Variants in HPD observed in about 807,000 individuals in gnomAD.
HPD encodes 4-hydroxyphenylpyruvic acid oxidase.
HPD carries 35 observed loss-of-function variants against 56.9 expected under a neutral mutation model. The observed-to-expected ratio is 0.62, with a 90% confidence interval of 0.47 to 0.82. HPD has a LOEUF of 0.82. Among genes scored for constraint, HPD ranks in the 40% least tolerant of loss-of-function variants. The probability of loss-of-function intolerance (pLI) is 0.00; values close to 1 mark genes in which losing one functional copy is unlikely to be tolerated. For synonymous variants in HPD, 186 were observed against 200.2 expected (o/e 0.93, Z 0.60); for missense variants, 442 against 506.8 (o/e 0.87, Z 1.23).
At chr12:121,858,625 C>T in intron 2 of HPD, 62 bp downstream of exon 2, 2 of 1,499,974 alleles carry the variant, frequency 1.3e-6, no homozygotes, top group East Asian at 4.5e-5. Flanking sequence ...ACCCCAGTCT[C>T]CCTGCACTCC....
At chr12:121,868,317 A>G (rs569602791), upstream of HPD, among the ~76,000 whole-genome samples, 6 of 152,276 alleles carry the variant, frequency 3.9e-5, no homozygotes, top group East Asian at 1.2e-3. Flanking sequence ...GAAGCTGGGC[A>G]ATACACTTCC....
chr12:121,887,352 TTCTC>T, the HPD span, among the ~76,000 whole-genome samples: 108 of 149,890 alleles, frequency 7.2e-4, no homozygotes, highest in African/African-American at 2.5e-3. Context: ...GCACCTGTAT[TTCTC>T]TCTCTCTCTC....
upstream of HPD, among the ~76,000 whole-genome samples, chr12:121,866,507 G>T (rs867378426): frequency 4.6e-5 from 7 of 151,700 alleles, no homozygotes; most frequent in African/African-American, 1.7e-4. Flanking sequence ...TACAAAACAT[G>T]CCAACGGTTC....
At chr12:121,845,094 G>C (rs1446204264) in intron 11 of HPD, among the ~76,000 whole-genome samples, 1 of 145,336 alleles carries the variant, frequency 6.9e-6, no homozygotes, top group African/African-American at 2.7e-5. Context: ...AAAAAAGAAG[G>C]ATATATATAT....
rs1878095577 is a variant in HPD at position 121,858,722 on chromosome 12, A to C, written c.4-9T>G. On this transcript the variant is annotated splice_polypyrimidine_tract_variant and intron_variant, in intron 1 of 13. Transcript: ENST00000289004. ...TTGTCACTGTAAGTCGTCTAAGGAG[A>C]AAAAGAAGGACAGTGAGACTTGGAG... is the stretch of plus-strand genomic sequence containing the variant. 6.2e-7 allele frequency: 1 copy of C among 1,613,976 alleles called. No individual in the cohort carries two copies. The highest frequency in any genetic ancestry group is 1.3e-5 in the African/African-American group (1 of 75,012).
At chr12:121,885,952 G>A in the HPD span, among the ~76,000 whole-genome samples, 1 of 149,314 alleles carries the variant, frequency 6.7e-6, no homozygotes, top group Non-Finnish European at 1.5e-5. Context: ...GAGCCACCAC[G>A]CCCGGATAAT....
At chr12:121,884,001 ACAT>A in the HPD span, among the ~76,000 whole-genome samples, 2 of 152,114 alleles carry the variant, frequency 1.3e-5, no homozygotes, top group African/African-American at 4.8e-5. Flanking sequence ...CATAATTGCA[ACAT>A]CATTATCTGA....
At chr12:121,850,862 C>T (rs1877747452) in intron 7 of HPD, among the ~76,000 whole-genome samples, 1 of 150,634 alleles carries the variant, frequency 6.6e-6, no homozygotes, top group Non-Finnish European at 1.5e-5. Context: ...CCACACCTGG[C>T]TAATTTTTTT....
At chr12:121,871,090 A>G in the HPD span, among the ~76,000 whole-genome samples, 1 of 151,988 alleles carries the variant, frequency 6.6e-6, no homozygotes, top group Non-Finnish European at 1.5e-5. Context: ...ACATTTAAAA[A>G]TTGGATCTAG....
intron 4 of HPD, 156 bp from the exon 5 acceptor site, chr12:121,856,781 C>G: frequency 1.4e-6 from 1 of 726,860 alleles, no homozygotes; most frequent in South Asian, 1.5e-5. Context: ...GTTTCCCACA[C>G]TGGTCCTGAG....
chr12:121,850,633 C>T (rs917683892), intron 7 of HPD, among the ~76,000 whole-genome samples: 6 of 148,618 alleles, frequency 4.0e-5, no homozygotes, highest in Admixed American at 3.4e-4. Context: ...ACCACCATGC[C>T]GGGCCCACCT....
the HPD span, among the ~76,000 whole-genome samples, chr12:121,881,813 AT>A: frequency 2.2e-5 from 3 of 137,604 alleles, no homozygotes; most frequent in Admixed American, 7.7e-5. Context: ...TGCTCAGCTA[AT>A]TTTTTGTATT....
intron 12 of HPD, among the ~76,000 whole-genome samples, chr12:121,841,894 A>C (rs1877420176): frequency 6.6e-6 from 1 of 152,114 alleles, no homozygotes; most frequent in Admixed American, 6.6e-5. Context: ...CATGTTGGCC[A>C]GGCTGGTCTT....
At chr12:121,862,002 C>T (rs1878187037), upstream of HPD, among the ~76,000 whole-genome samples, 1 of 151,968 alleles carries the variant, frequency 6.6e-6, no homozygotes, top group African/African-American at 2.4e-5. Context: ...AGAGTGAGAC[C>T]CTGTCTTAAA....
At chr12:121,883,617 T>C in the HPD span, among the ~76,000 whole-genome samples, 1 of 151,866 alleles carries the variant, frequency 6.6e-6, no homozygotes, top group African/African-American at 2.4e-5. Context: ...TTTGGAAAAA[T>C]TTCAAACCTC....
chr12:121,844,268 C>T (rs1877502240), intron 11 of HPD, among the ~76,000 whole-genome samples: 1 of 152,044 alleles, frequency 6.6e-6, no homozygotes, highest in African/African-American at 2.4e-5. Flanking sequence ...TGGTCTCGAA[C>T]TCCTGACCTC....
chr12:121,859,366 A>G (rs187765422), upstream of HPD, among the ~76,000 whole-genome samples: 1 of 152,312 alleles, frequency 6.6e-6, no homozygotes, highest in African/African-American at 2.4e-5. Context: ...TTTGTAAAAC[A>G]GGAATGAGAA....
At chr12:121,845,458 G>A (rs1341802150) in intron 11 of HPD, among the ~76,000 whole-genome samples, 2 of 140,658 alleles carry the variant, frequency 1.4e-5, no homozygotes, top group Non-Finnish European at 3.0e-5. Context: ...AACATTAGCT[G>A]GGCGTGGTGG....
chr12:121,844,636 C>T (rs1206213654), intron 11 of HPD, among the ~76,000 whole-genome samples: 1 of 151,724 alleles, frequency 6.6e-6, no homozygotes, highest in Admixed American at 6.6e-5. Flanking sequence ...GTAATCCCAG[C>T]ACATTGGGAG....
Sources: gnomAD v4.1 joint callset for allele counts (sites outside exome capture counted in the v4.1 genomes callset) on GRCh38, gnomAD v4.1.1 for gene constraint, MANE v1.5 for transcripts, NCBI Gene and HGNC (gene_info 2026-07-23, HGNC 2026-07-21) for gene names.